SGCZ: variants seen among roughly 807,000 people sequenced by gnomAD.
The protein encoded by SGCZ is zeta-sarcoglycan.
Under a neutral mutation model 41.3 loss-of-function variants are expected in SGCZ, and 40 were observed. That is an observed-to-expected ratio of 0.97 (90% confidence interval 0.75 to 1.26). The LOEUF (loss-of-function observed/expected upper bound fraction) is 1.26, where lower values mean the gene tolerates loss of function less well. Among genes scored for constraint, SGCZ ranks in the 50% most tolerant of loss-of-function variants. The probability of loss-of-function intolerance (pLI) is 0.00; values close to 1 mark genes in which losing one functional copy is unlikely to be tolerated. For synonymous variants in SGCZ, 206 were observed against 137.5 expected, an observed-to-expected ratio of 1.50 and a Z score of -3.49; for missense variants, 552 against 369.8, an observed-to-expected ratio of 1.49 and a Z score of -4.04.
At position 14,295,111 on chromosome 8, in the gene SGCZ, T is replaced by C. The variant is rs909687493; in HGVS notation, c.336+28992A>G. Among the ~76,000 whole-genome samples the C allele has an allele frequency of 8.5e-5, 13 of 152,184 alleles. No individual in the cohort carries two copies. In the East Asian group the frequency reaches 2.1e-3, roughly 25 times the overall value. ...TTTATTCAATTAATATGAAAACTTATGTCCATACAAAAGCTTTTCTGTAAA... is the reference window on the plus strand; with the variant it reads ...TTTATTCAATTAATATGAAAACTTACGTCCATACAAAAGCTTTTCTGTAAA... On this transcript the variant is annotated intron_variant, in intron 3 of 7. Coordinates refer to ENST00000382080, the MANE Select transcript of SGCZ (RefSeq NM_139167.4).
At chr8:14,831,736 G>T (rs979966534) in intron 1 of SGCZ, among the ~76,000 whole-genome samples, 10 of 150,422 alleles carry the variant, frequency 6.6e-5, no homozygotes, top group African/African-American at 2.4e-4. Context: ...GAAAGCTGGT[G>T]TTAGAAGGAA....
intron 4 of SGCZ, among the ~76,000 whole-genome samples, chr8:14,221,615 A>G: frequency 6.6e-6 from 1 of 152,164 alleles, no homozygotes. Context: ...TGTTAATCCC[A>G]CAGTTAGTTA....
chr8:14,955,173 A>G (rs1800753563), intron 1 of SGCZ, among the ~76,000 whole-genome samples: 1 of 152,090 alleles, frequency 6.6e-6, no homozygotes, highest in Non-Finnish European at 1.5e-5. Context: ...AATTTAGTGA[A>G]GTTAAAAAAA....
At position 14,092,144 on chromosome 8, in the gene SGCZ, T is replaced by G. The variant is rs527552421; in HGVS notation, c.745-1507A>C. ...GATGGTTGTAGATATCTAGTGTTAT[T>G]GCTGAGGCCTCTGTTCTGTTCCATT... On this transcript the variant is annotated intron_variant, in intron 7 of 7. Coordinates refer to ENST00000382080, the MANE Select transcript of SGCZ (RefSeq NM_139167.4). 4.9e-4 allele frequency among the ~76,000 whole-genome samples: 74 copies of G among 152,212 alleles called. 1 individual carries two copies. The South Asian group carries it at 0.015, about 31-fold the overall frequency.
intron 2 of SGCZ, among the ~76,000 whole-genome samples, chr8:14,504,167 G>C (rs1374174771): frequency 6.6e-6 from 1 of 152,118 alleles, no homozygotes; most frequent in African/African-American, 2.4e-5. Flanking sequence ...ATACAACTGA[G>C]ATCTATATCT....
intron 2 of SGCZ, among the ~76,000 whole-genome samples, chr8:14,448,091 A>G (rs1463108661): frequency 6.6e-6 from 1 of 152,216 alleles, no homozygotes; most frequent in Non-Finnish European, 1.5e-5. Flanking sequence ...TTTCATCGAA[A>G]TAGTAGCAGT....
intron 1 of SGCZ, among the ~76,000 whole-genome samples, chr8:15,065,910 G>A (rs1805123037): frequency 6.6e-6 from 1 of 152,134 alleles, no homozygotes; most frequent in Non-Finnish European, 1.5e-5. Flanking sequence ...ACATATTTCT[G>A]TGAAATAGGT....
intron 1 of SGCZ, among the ~76,000 whole-genome samples, chr8:15,057,308 T>G (rs1328546613): frequency 1.3e-5 from 2 of 152,228 alleles, no homozygotes; most frequent in African/African-American, 4.8e-5. Context: ...CTGATCATTT[T>G]CTTTTCAGGG....
chr8:14,424,632 C>T (rs1424716180), intron 2 of SGCZ, among the ~76,000 whole-genome samples: 1 of 151,806 alleles, frequency 6.6e-6, no homozygotes, highest in African/African-American at 2.4e-5. Context: ...GTCATTTTTA[C>T]GTCAGTGCAT....
At chr8:15,058,840 A>T (rs1804810909) in intron 1 of SGCZ, among the ~76,000 whole-genome samples, 2 of 152,204 alleles carry the variant, frequency 1.3e-5, no homozygotes, top group Admixed American at 6.5e-5. Flanking sequence ...AAAATATTTG[A>T]ACTATCCTTA....
At chr8:15,145,552 G>T (rs994728457) in intron 1 of SGCZ, among the ~76,000 whole-genome samples, 1 of 152,084 alleles carries the variant, frequency 6.6e-6, no homozygotes, top group African/African-American at 2.4e-5. Flanking sequence ...CTGCAGCCTG[G>T]AACTCCTGGA....
chr8:14,436,092 G>A (rs1204066315), intron 2 of SGCZ, among the ~76,000 whole-genome samples: 2 of 152,192 alleles, frequency 1.3e-5, no homozygotes, highest in African/African-American at 4.8e-5. Context: ...GAGAAATGCA[G>A]TGGATGTCAA....
intron 2 of SGCZ, among the ~76,000 whole-genome samples, chr8:14,451,425 C>T (rs972020742): frequency 3.9e-5 from 6 of 152,088 alleles, no homozygotes; most frequent in African/African-American, 7.2e-5. Flanking sequence ...AAGAAACAGA[C>T]GGTCTCCTTA....
intron 1 of SGCZ, among the ~76,000 whole-genome samples, chr8:15,075,345 A>C (rs529836933): frequency 5.9e-5 from 9 of 152,222 alleles, no homozygotes; most frequent in South Asian, 2.1e-4. Flanking sequence ...TTAAATTCCC[A>C]AATGGCATTC....
chr8:14,633,824 A>T (rs1806737668), intron 1 of SGCZ, among the ~76,000 whole-genome samples: 1 of 151,944 alleles, frequency 6.6e-6, no homozygotes, highest in African/African-American at 2.4e-5. Flanking sequence ...TGAATTAAGT[A>T]GTCCAGTGTT....
chr8:14,761,000 G>T (rs559999000), intron 1 of SGCZ, among the ~76,000 whole-genome samples: 235 of 152,172 alleles, frequency 1.5e-3, no homozygotes, highest in Admixed American at 3.7e-3. Flanking sequence ...CAGAAGAAGC[G>T]GTGGTGGGGA....
intron 1 of SGCZ, among the ~76,000 whole-genome samples, chr8:14,761,975 G>A (rs1266188350): frequency 1.3e-5 from 2 of 152,136 alleles, no homozygotes; most frequent in African/African-American, 4.8e-5. Flanking sequence ...TGAGTCTCAT[G>A]CTAACACAGG....
intron 2 of SGCZ, among the ~76,000 whole-genome samples, chr8:14,345,447 G>C (rs1802861212): frequency 6.6e-6 from 1 of 152,098 alleles, no homozygotes; most frequent in Admixed American, 6.5e-5. Flanking sequence ...ATGTGTGAAT[G>C]TTTCTTACAA....
intron 1 of SGCZ, among the ~76,000 whole-genome samples, chr8:15,111,226 G>A (rs1039887680): frequency 6.6e-6 from 1 of 152,082 alleles, no homozygotes; most frequent in African/African-American, 2.4e-5. Context: ...GCCAATTCGC[G>A]CTGATTTCCT....
Sources: gnomAD v4.1 joint callset for allele counts (sites outside exome capture counted in the v4.1 genomes callset) on GRCh38, gnomAD v4.1.1 for gene constraint, MANE v1.5 for transcripts, NCBI Gene and HGNC (gene_info 2026-07-23, HGNC 2026-07-21) for gene names.